The following TMPRSS4 variants were observed in gnomAD, a reference collection of about 807,000 sequenced individuals.
The protein encoded by TMPRSS4 is transmembrane protease serine 4.
Under a neutral mutation model 56.4 loss-of-function variants are expected in TMPRSS4, and 45 were observed. That is an observed-to-expected ratio of 0.80 (90% CI 0.63 to 1.02). The LOEUF (loss-of-function observed/expected upper bound fraction) is 1.02, where lower values mean the gene tolerates loss of function less well. TMPRSS4 is among the 50% of genes least tolerant of loss of function. The probability of loss-of-function intolerance (pLI) is 0.00; values close to 1 mark genes in which losing one functional copy is unlikely to be tolerated. For missense variants in TMPRSS4, 546 were observed against 556.7 expected (o/e 0.98, Z 0.19); for synonymous variants, 205 against 211.0 (o/e 0.97, Z 0.25).
chr11:118,098,397 AC>A lies in TMPRSS4; in HGVS notation c.44-586del, dbSNP rs377568760. ...TCTATTATAACATATATTATCTTCCACCTGGCTGGGCTGGCATCTGTGTCTG... is the reference window on the plus strand; with the variant it reads ...TCTATTATAACATATATTATCTTCCACTGGCTGGGCTGGCATCTGTGTCTG... On this transcript the variant is annotated intron_variant, in intron 2 of 12. Coordinates refer to ENST00000437212, the MANE Select transcript of TMPRSS4 (RefSeq NM_019894.4). 3.3e-4 allele frequency among the ~76,000 whole-genome samples: 51 copies of A among 152,344 alleles called. No individual in the cohort carries two copies. In the South Asian group the frequency reaches 0.011, roughly 32 times the overall value.
chr11:118,091,290 C>T (rs1945942117), intron 1 of TMPRSS4, among the ~76,000 whole-genome samples: 1 of 152,152 alleles, frequency 6.6e-6, no homozygotes, highest in Non-Finnish European at 1.5e-5. Flanking sequence ...CTATTCAGTT[C>T]CTCCAACCCC....
chr11:118,104,858 C>T (rs1017300949), intron 5 of TMPRSS4, 38 bp downstream of exon 5: 2 of 1,516,100 alleles, frequency 1.3e-6, no homozygotes, highest in Non-Finnish European at 1.8e-6. Context: ...TCCCTCCTTC[C>T]TCCTTCCTCC....
At chr11:118,095,030 C>A in intron 2 of TMPRSS4, 175 bp downstream of exon 2, 1 of 707,756 alleles carries the variant, frequency 1.4e-6, no homozygotes, top group Non-Finnish European at 2.5e-6. Context: ...GGATTCATTC[C>A]AGAAGTAGGA....
chr11:118,092,465 G>A lies in TMPRSS4; in HGVS notation c.4-2351G>A, dbSNP rs576373388. 1.8e-4 allele frequency among the ~76,000 whole-genome samples: 27 copies of A among 152,350 alleles called. No individual in the cohort carries two copies. The South Asian group carries it at 3.5e-3, about 20-fold the overall frequency. On this transcript the variant is annotated intron_variant, in intron 1 of 12. Coordinates refer to ENST00000437212, the MANE Select transcript of TMPRSS4 (RefSeq NM_019894.4). The stretch of plus-strand genomic sequence containing the variant: ...TCTTGCGCTCAGTCAGTTCCTGGGC[G>A]GGGGCCGCCAGATCAGATGAGGCAG...
At chr11:118,086,216 A>G (rs1199333396) in intron 1 of TMPRSS4, among the ~76,000 whole-genome samples, 2 of 152,256 alleles carry the variant, frequency 1.3e-5, no homozygotes, top group South Asian at 2.1e-4. Context: ...CCTAAGAGCT[A>G]TGCCCGAACA....
At position 118,112,644 on chromosome 11, in the gene TMPRSS4, C is replaced by T. The variant is rs139024095; in HGVS notation, c.744-625C>T. On this transcript the variant is annotated intron_variant, in intron 8 of 12. Transcript: ENST00000437212. ...CTGACCTCAAGTGATCTGCCCACCT[C>T]AGCCTCCCAAACTGCTGGGATTACA... Among the ~76,000 whole-genome samples, 244 of 152,056 alleles carry T rather than the reference C, an allele frequency of 1.6e-3. 2 individuals carry two copies. The highest frequency in any genetic ancestry group is 5.6e-3 in the African/African-American group (234 of 41,488).
Position 118,092,991 on chromosome 11 carries a change from G to C in TMPRSS4, c.4-1825G>C, listed in dbSNP as rs569038655. Among the ~76,000 whole-genome samples the C allele has an allele frequency of 1.5e-4, 23 of 152,320 alleles. No individual in the cohort carries two copies. In the South Asian group the frequency reaches 4.8e-3, roughly 32 times the overall value. ...AGAGGGTAAGCCTGGAGCTCAGAGA[G>C]GTGAAGGATCTTTCCTGAAAGCACA... is the stretch of plus-strand genomic sequence containing the variant. On this transcript the variant is annotated intron_variant, in intron 1 of 12. Transcript: ENST00000437212.
intron 2 of TMPRSS4, among the ~76,000 whole-genome samples, chr11:118,096,640 A>G (rs1946306227): frequency 6.6e-6 from 1 of 151,666 alleles, no homozygotes; most frequent in Non-Finnish European, 1.5e-5. Context: ...ACCAACGTTA[A>G]CTGGGTGTTG....
Position 118,080,400 on chromosome 11 carries a change from G to T in TMPRSS4, c.3+3095G>T, listed in dbSNP as rs145007720. On this transcript the variant is annotated intron_variant, in intron 1 of 12. Transcript: ENST00000437212. ...CTGGAGCAAAGACTCCGGCACTCCA[G>T]GTCATGGGAGCTGCACCTGCCGAGG... Among the ~76,000 whole-genome samples the T allele has an allele frequency of 1.4e-4, 22 of 152,322 alleles. No individual in the cohort carries two copies. The East Asian group carries it at 1.7e-3, about 12-fold the overall frequency.
intron 8 of TMPRSS4, among the ~76,000 whole-genome samples, chr11:118,112,832 T>G (rs2135449802): frequency 6.6e-6 from 1 of 150,866 alleles, no homozygotes; most frequent in East Asian, 1.9e-4. Flanking sequence ...CACTTTTTTT[T>G]TTTTTTTTTT....
chr11:118,118,411 T>C lies in TMPRSS4; in HGVS notation c.*498T>C, dbSNP rs750002841. The stretch of plus-strand genomic sequence containing the variant: ...CGTTACCTACTGTTGTCATTGTTAT[T>C]ACAGCTATGGCCACTATTATTAAAG... On this transcript the variant is annotated 3_prime_UTR_variant, in exon 13 of 13. Coordinates refer to ENST00000437212, the MANE Select transcript of TMPRSS4 (RefSeq NM_019894.4). 99 of 992,524 alleles carry C rather than the reference T, an allele frequency of 1.0e-4. No homozygotes were observed. The highest frequency in any genetic ancestry group is 1.1e-4 in the Non-Finnish European group (95 of 834,950). 61.5% of individuals were successfully genotyped at this position (992,524 alleles called of 1,614,324 possible). A position where few individuals can be genotyped will look rare whatever the true frequency, so the allele number is the denominator to read the frequency against.
At chr11:118,103,332 A>T in intron 4 of TMPRSS4, 79 bp downstream of exon 4, 1 of 1,511,976 alleles carries the variant, frequency 6.6e-7, no homozygotes, top group Non-Finnish European at 8.9e-7. Flanking sequence ...ACTGCATAGT[A>T]TCTGCCCCCT....
chr11:118,118,758 T>G lies in TMPRSS4; in HGVS notation c.*845T>G, dbSNP rs1947690922. On this transcript the variant is annotated 3_prime_UTR_variant, in exon 13 of 13. Transcript: ENST00000437212. ...ACCTATGACTTGGGAAAGAGATGAG[T>G]TAGGCAGTCAAGGGTGACATTCAAT... 1.0e-6 allele frequency: 1 copy of G among 985,226 alleles called. No individual in the cohort carries two copies. The allele number at this position is 985,226 out of a possible 1,614,324, so 61.0% of individuals were successfully genotyped here.
At chr11:118,123,113 C>T (rs977124922), downstream of TMPRSS4, among the ~76,000 whole-genome samples, 10 of 152,040 alleles carry the variant, frequency 6.6e-5, no homozygotes, top group African/African-American at 2.4e-4. Context: ...TTTAGAGCAG[C>T]ATGAATGGAC....
intron 1 of TMPRSS4, among the ~76,000 whole-genome samples, chr11:118,089,503 G>T (rs1007281121): frequency 6.6e-6 from 1 of 152,080 alleles, no homozygotes; most frequent in African/African-American, 2.4e-5. Context: ...TTTGTAACTT[G>T]CTAGTTAGTT....
intron 2 of TMPRSS4, among the ~76,000 whole-genome samples, chr11:118,097,959 A>G (rs1946497812): frequency 6.6e-6 from 1 of 152,142 alleles, no homozygotes; most frequent in African/African-American, 2.4e-5. Context: ...TAGTAGAGAC[A>G]GGGTTTCACC....
chr11:118,095,847 A>C (rs1946256193), intron 2 of TMPRSS4, among the ~76,000 whole-genome samples: 1 of 152,226 alleles, frequency 6.6e-6, no homozygotes, highest in Non-Finnish European at 1.5e-5. Context: ...GCAAGCTTTT[A>C]GGAAGCTCTG....
At chr11:118,117,578 T>C in intron 12 of TMPRSS4, 124 bp downstream of exon 12, 2 of 1,498,448 alleles carry the variant, frequency 1.3e-6, no homozygotes, top group Non-Finnish European at 8.9e-7. Flanking sequence ...TAACTTTCCC[T>C]CCAAGCAAGG....
chr11:118,122,899 A>T (rs1012850647), downstream of TMPRSS4, among the ~76,000 whole-genome samples: 4 of 152,188 alleles, frequency 2.6e-5, no homozygotes, highest in Non-Finnish European at 5.9e-5. Flanking sequence ...GAATGGGATT[A>T]GTGCCCCTTA....
Sources: gnomAD v4.1 joint callset for allele counts (sites outside exome capture counted in the v4.1 genomes callset) on GRCh38, gnomAD v4.1.1 for gene constraint, MANE v1.5 for transcripts, NCBI Gene and HGNC (gene_info 2026-07-23, HGNC 2026-07-21) for gene names.